The following ST3GAL5 variants were observed in gnomAD, a reference collection of about 807,000 sequenced individuals.
The protein encoded by ST3GAL5 is lactosylceramide alpha-2,3-sialyltransferase.
A neutral mutation model predicts 46.1 loss-of-function variants in ST3GAL5; 25 were observed. The ratio of observed to expected loss-of-function variants is 0.54; its 90% CI spans 0.40 to 0.76. ST3GAL5 has a LOEUF of 0.76. Among genes scored for constraint, ST3GAL5 ranks in the 30% least tolerant of loss-of-function variants. The pLI, the probability that ST3GAL5 is intolerant of heterozygous loss-of-function variation, is 0.00. For missense variants in ST3GAL5, 431 were observed against 521.2 expected, an observed-to-expected ratio of 0.83 and a Z score of 1.69; for synonymous variants, 182 against 192.7, an observed-to-expected ratio of 0.94 and a Z score of 0.46.
intron 4 of ST3GAL5, 132 bp downstream of exon 4, chr2:85,847,729 A>G: frequency 7.3e-7 from 1 of 1,379,146 alleles, no homozygotes; most frequent in Non-Finnish European, 9.7e-7. Context: ...TGGGAAGTTG[A>G]GGCTGCAGTG....
chr2:85,884,962 C>T (rs1687584115), intron 1 of ST3GAL5, among the ~76,000 whole-genome samples: 1 of 152,184 alleles, frequency 6.6e-6, no homozygotes, highest in African/African-American at 2.4e-5. Flanking sequence ...TGATACTTAA[C>T]TGTTATAATC....
chr2:85,852,735 A>G (rs967653075), intron 3 of ST3GAL5: 1 of 492,564 alleles, frequency 2.0e-6, no homozygotes, highest in African/African-American at 2.0e-5. Context: ...ATTTCATCCC[A>G]TCAACTGTTA....
intron 3 of ST3GAL5, chr2:85,850,425 A>G (rs1683352057): frequency 6.6e-6 from 1 of 152,312 alleles, no homozygotes; most frequent in African/African-American, 2.4e-5. Flanking sequence ...TGGCATCTTC[A>G]TGAGGAAATC....
chr2:85,841,416 T>C (rs1037302494), intron 6 of ST3GAL5, among the ~76,000 whole-genome samples: 3 of 152,108 alleles, frequency 2.0e-5, no homozygotes, highest in Non-Finnish European at 4.4e-5. Context: ...CACTGCAGCC[T>C]TGACCTTCAC....
At chr2:85,872,112 AC>A (rs1685994131) in intron 1 of ST3GAL5, among the ~76,000 whole-genome samples, 1 of 152,104 alleles carries the variant, frequency 6.6e-6, no homozygotes, top group Non-Finnish European at 1.5e-5. Context: ...CCCGAGGCCT[AC>A]CCTGGTGAGG....
At chr2:85,846,640 G>A (rs1682824364) in intron 4 of ST3GAL5, 77 bp from the exon 5 acceptor site, 2 of 1,406,914 alleles carry the variant, frequency 1.4e-6, no homozygotes, top group Non-Finnish European at 2.0e-6. Context: ...CAGTATCCAT[G>A]TCATGTCCTC....
chr2:85,857,066 CA>C (rs373154047), intron 3 of ST3GAL5, among the ~76,000 whole-genome samples: 4,975 of 67,470 alleles, frequency 0.074, 31 homozygotes, highest in Non-Finnish European at 0.097. Flanking sequence ...CTGCCTCTAC[CA>C]AAAAAAAAAA....
At chr2:85,870,630 G>A (rs888994389) in intron 1 of ST3GAL5, among the ~76,000 whole-genome samples, 6 of 151,576 alleles carry the variant, frequency 4.0e-5, no homozygotes, top group African/African-American at 1.5e-4. Flanking sequence ...CCCATATGAA[G>A]AAATAATTCT....
At chr2:85,885,954 T>A (rs936743867) in intron 1 of ST3GAL5, among the ~76,000 whole-genome samples, 2 of 151,128 alleles carry the variant, frequency 1.3e-5, no homozygotes, top group Admixed American at 1.3e-4. Flanking sequence ...GACACTAGAG[T>A]GGTCACAGCG....
Position 85,848,551 on chromosome 2 carries a change from A to C in ST3GAL5, c.319-347T>G, listed in dbSNP as rs1573599067. ...AGACTTCATGTTTCATAAAATTCTG[A>C]TACATGCTACAACATAGTTAAACTT... On this transcript the variant is annotated intron_variant, in intron 3 of 6. Coordinates refer to ENST00000638572, the MANE Select transcript of ST3GAL5 (RefSeq NM_003896.4). 3 of 502,938 alleles carry C rather than the reference A, an allele frequency of 6.0e-6. No individual in the cohort carries two copies. In the East Asian group the frequency reaches 1.9e-4, roughly 32 times the overall value. 31.2% of individuals were successfully genotyped at this position (502,938 alleles called of 1,614,324 possible).
intron 3 of ST3GAL5, chr2:85,848,700 A>C (rs1297487141): frequency 2.3e-5 from 6 of 255,502 alleles, no homozygotes; most frequent in Non-Finnish European, 4.6e-5. Context: ...AGAGAGGGAG[A>C]AAAGGGGAGT....
At chr2:85,869,974 T>G in intron 1 of ST3GAL5, 9 of 343,554 alleles carry the variant, frequency 2.6e-5, no homozygotes, top group Non-Finnish European at 4.1e-5. Flanking sequence ...ATAGCCTCCG[T>G]TCAGTTAAGC....
At chr2:85,874,625 A>G (rs1157235902) in intron 1 of ST3GAL5, among the ~76,000 whole-genome samples, 1 of 152,090 alleles carries the variant, frequency 6.6e-6, no homozygotes, top group South Asian at 2.1e-4. Context: ...CCACTGATAC[A>G]TATTTGCCTA....
intron 1 of ST3GAL5, chr2:85,867,753 A>G: frequency 1.4e-6 from 1 of 730,634 alleles, no homozygotes; most frequent in South Asian, 1.5e-5. Flanking sequence ...AGGAAAATGC[A>G]AGAATTTGCC....
chr2:85,861,118 A>G, intron 3 of ST3GAL5, 63 bp downstream of exon 3: 1 of 1,089,214 alleles, frequency 9.2e-7, no homozygotes, highest in Non-Finnish European at 1.4e-6. Flanking sequence ...GACTAATGAT[A>G]TTATAGTTTG....
intron 3 of ST3GAL5, among the ~76,000 whole-genome samples, chr2:85,859,689 A>G (rs1421783207): frequency 2.6e-5 from 4 of 152,220 alleles, no homozygotes; most frequent in African/African-American, 9.6e-5. Flanking sequence ...TGTCTGTACC[A>G]CAAAAAAAAT....
At chr2:85,859,491 C>A (rs1033054442) in intron 3 of ST3GAL5, among the ~76,000 whole-genome samples, 1 of 152,164 alleles carries the variant, frequency 6.6e-6, no homozygotes, top group African/African-American at 2.4e-5. Flanking sequence ...GCAGAGGGTA[C>A]TGGACACATC....
intron 1 of ST3GAL5, among the ~76,000 whole-genome samples, chr2:85,868,481 T>G (rs1040118712): frequency 1.7e-4 from 25 of 151,416 alleles, no homozygotes; most frequent in Admixed American, 3.9e-4. Context: ...TTTGTATTTT[T>G]TTTTTTTTTT....
At chr2:85,875,895 C>T (rs140577829) in intron 1 of ST3GAL5, among the ~76,000 whole-genome samples, 225 of 152,304 alleles carry the variant, frequency 1.5e-3, no homozygotes, top group African/African-American at 5.1e-3. Flanking sequence ...CAGGCAGCAC[C>T]TCAGAGATCC....
Sources: gnomAD v4.1 joint callset for allele counts (sites outside exome capture counted in the v4.1 genomes callset) on GRCh38, gnomAD v4.1.1 for gene constraint, MANE v1.5 for transcripts, NCBI Gene and HGNC (gene_info 2026-07-23, HGNC 2026-07-21) for gene names.